CCDC141: variants seen among roughly 807,000 people sequenced by gnomAD.
CCDC141 encodes coiled-coil domain-containing protein 141.
In CCDC141, 168 loss-of-function variants were observed where a neutral mutation model predicts 181.0. The ratio of observed to expected loss-of-function variants is 0.93; its 90% CI spans 0.82 to 1.05. The LOEUF (loss-of-function observed/expected upper bound fraction) is 1.05, where lower values mean the gene tolerates loss of function less well. CCDC141 is among the 50% of genes least tolerant of loss of function. CCDC141 has a pLI of 0.00. For synonymous variants in CCDC141, 666 were observed against 642.3 expected (o/e 1.04, Z -0.56); for missense variants, 1,902 against 1,788.5 (o/e 1.06, Z -1.14).
rs545784828 is a variant in CCDC141, at chr2:178,949,379, G to A, written c.781-4728C>T. Among the ~76,000 whole-genome samples the A allele has an allele frequency of 2.0e-5, 3 of 152,198 alleles. No individual in the cohort carries two copies. The South Asian group carries it at 6.2e-4, about 32-fold the overall frequency. On this transcript the variant is annotated intron_variant, in intron 5 of 23. Transcript: ENST00000443758. ...GATATTTGCCTTTTCAACAGATGAGGTAACAGTTCAATAGACAGTTCAATA... is the reference window on the plus strand; with the variant it reads ...GATATTTGCCTTTTCAACAGATGAGATAACAGTTCAATAGACAGTTCAATA...
chr2:178,989,469 C>T (rs547822767), intron 2 of CCDC141, among the ~76,000 whole-genome samples: 2 of 151,626 alleles, frequency 1.3e-5, no homozygotes, highest in Admixed American at 6.6e-5. Flanking sequence ...TGGTGGGCAC[C>T]TGTAATCCTA....
Position 178,853,635 on chromosome 2 carries a change from A to G in CCDC141, c.3061-11T>C. ...GTACCAAAAATGACACTAAATTTAA[A>G]TGGGATAAAGCACAGATGAAAGAAA... is the stretch of plus-strand genomic sequence containing the variant. On this transcript the variant is annotated splice_polypyrimidine_tract_variant and intron_variant, in intron 19 of 23. Transcript: ENST00000443758. 3.1e-6 allele frequency: 5 copies of G among 1,609,664 alleles called. No homozygotes were observed. The highest frequency in any genetic ancestry group is 4.2e-6 in the Non-Finnish European group (5 of 1,177,070).
chr2:179,036,502 G>C (rs1208009403), intron 2 of CCDC141, among the ~76,000 whole-genome samples: 1 of 152,190 alleles, frequency 6.6e-6, no homozygotes, highest in Non-Finnish European at 1.5e-5. Flanking sequence ...TTGGACCACT[G>C]CACTGCTCCC....
rs1005503365 is a variant in CCDC141, at chr2:178,918,993, T to C, written c.898-86A>G. On this transcript the variant is annotated intron_variant, in intron 6 of 23. Transcript: ENST00000443758. Reference sequence around the variant, plus strand: ...TCCCCCCGAAATTCCTCTGCTGAAATCTAACCCCCAAGGTGATGATATTAG... The same window carrying C: ...TCCCCCCGAAATTCCTCTGCTGAAACCTAACCCCCAAGGTGATGATATTAG... 11 of 1,206,912 alleles carry C rather than the reference T, an allele frequency of 9.1e-6. No homozygotes were observed. In the African/African-American group the frequency reaches 1.2e-4, roughly 13 times the overall value. 74.8% of individuals were successfully genotyped at this position (1,206,912 alleles called of 1,614,324 possible).
rs59389117 is a variant in CCDC141, at chr2:178,832,465, C to CAAAAAAAAAAAAAAAAAA, written c.*1690_*1707dup. On this transcript the variant is annotated 3_prime_UTR_variant, in exon 24 of 24. Coordinates refer to ENST00000443758, the MANE Select transcript of CCDC141 (RefSeq NM_173648.4). ...TGGGCAAGAGAGCAAGACTCTTTCT[C>CAAAAAAAAAAAAAAAAAA]AAAAAAAAAAAAAAAAAACAAAAAA... 2 of 69,006 alleles carry CAAAAAAAAAAAAAAAAAA rather than the reference C, an allele frequency of 2.9e-5. No individual in the cohort carries two copies. Among genetic ancestry groups the CAAAAAAAAAAAAAAAAAA allele is most frequent in the African/African-American group, 9.8e-5 (2 of 20,404 alleles). 4.3% of individuals were successfully genotyped at this position (69,006 alleles called of 1,614,324 possible). A position where few individuals can be genotyped will look rare whatever the true frequency, so the allele number is the denominator to read the frequency against.
intron 22 of CCDC141, among the ~76,000 whole-genome samples, chr2:178,841,987 CA>C (rs1483546760): frequency 3.3e-5 from 5 of 152,018 alleles, no homozygotes; most frequent in African/African-American, 1.2e-4. Flanking sequence ...GTCTAGTTTT[CA>C]ACTATGAAAA....
At chr2:178,834,521 G>T in intron 23 of CCDC141, 81 bp from the exon 24 acceptor site, 1 of 1,413,478 alleles carries the variant, frequency 7.1e-7, no homozygotes, top group South Asian at 1.3e-5. Context: ...CTTGCAAATA[G>T]GCCCATTACC....
At chr2:178,966,144 C>G (rs1690620114) in intron 4 of CCDC141, among the ~76,000 whole-genome samples, 1 of 152,254 alleles carries the variant, frequency 6.6e-6, no homozygotes. Flanking sequence ...AAACTCCCAT[C>G]TCCCTGGGAT....
At position 178,834,273 on chromosome 2, in the gene CCDC141, A is replaced by C; in HGVS notation, c.4493T>G (p.Val1498Gly). 1.3e-6 allele frequency: 2 copies of C among 1,536,126 alleles called. No homozygotes were observed. Among genetic ancestry groups the C allele is most frequent in the Non-Finnish European group, 1.7e-6 (2 of 1,146,862 alleles). Residue 1498 changes from valine to glycine, a missense_variant, in exon 24 of 24, where the codon GTG becomes GGG. By Grantham distance (109) the Val-to-Gly change is moderately radical. Coordinates refer to ENST00000443758, the MANE Select transcript of CCDC141 (RefSeq NM_173648.4). Reference sequence around the variant, plus strand: ...GATTGGCAGCCTGCAGTTACCTGTCACGTGGAGGATGACATTGGAAGAGAG... The same window carrying C: ...GATTGGCAGCCTGCAGTTACCTGTCCCGTGGAGGATGACATTGGAAGAGAG... ...GALSSNVILH[V>G]TGNCRLPITR...
intron 23 of CCDC141, chr2:178,836,273 G>C (rs1407668039): frequency 6.6e-6 from 1 of 152,172 alleles, no homozygotes; most frequent in Admixed American, 6.6e-5. Flanking sequence ...TCTCCAGAGT[G>C]AAATCATATT....
chr2:179,008,554 T>A (rs1253777427), intron 2 of CCDC141, among the ~76,000 whole-genome samples: 2 of 152,036 alleles, frequency 1.3e-5, no homozygotes, highest in Non-Finnish European at 2.9e-5. Context: ...AAAATACAGA[T>A]CCCCAGGTCC....
Position 178,833,584 on chromosome 2 carries a change from T to C in CCDC141, c.*589A>G, listed in dbSNP as rs891146424. On this transcript the variant is annotated 3_prime_UTR_variant, in exon 24 of 24. Transcript: ENST00000443758. ...AGTTGATGGCACATCTATCCTCCAA[T>C]GTCAAACCCGTGAGAGCAACATGAG... 6.5e-6 allele frequency: 1 copy of C among 152,904 alleles called. No homozygotes were observed. The highest frequency in any genetic ancestry group is 1.5e-5 in the Non-Finnish European group (1 of 68,534). The allele number at this position is 152,904 out of a possible 1,614,324, so 9.5% of individuals were successfully genotyped here.
At chr2:178,858,148 T>A (rs1415373020) in intron 17 of CCDC141, among the ~76,000 whole-genome samples, 2 of 152,174 alleles carry the variant, frequency 1.3e-5, no homozygotes, top group Non-Finnish European at 1.5e-5. Flanking sequence ...CCACTTTAAC[T>A]GATAAATAAA....
intron 8 of CCDC141, among the ~76,000 whole-genome samples, chr2:178,894,495 T>A (rs149825271): frequency 0.011 from 1,729 of 151,806 alleles, 38 homozygotes; most frequent in African/African-American, 0.039. Flanking sequence ...AGTAAATGCC[T>A]GAGATCATCA....
chr2:179,023,442 T>C (rs903969355), intron 2 of CCDC141, among the ~76,000 whole-genome samples: 33 of 152,318 alleles, frequency 2.2e-4, no homozygotes, highest in African/African-American at 7.9e-4. Context: ...GTTATGAAAT[T>C]TAACTCATAT....
rs375694782 is a variant in CCDC141, at chr2:179,023,294, C to T, written c.225+23990G>A. Among the ~76,000 whole-genome samples the T allele has an allele frequency of 4.8e-4, 73 of 152,258 alleles. No individual in the cohort carries two copies. The South Asian group carries it at 9.3e-3, about 19-fold the overall frequency. On this transcript the variant is annotated intron_variant, in intron 2 of 23. Transcript: ENST00000443758. Reference sequence around the variant, plus strand: ...CCACCTTCTGAGGTAGGTATTACTACCTCCATTTCACAGATGAGGAAACTG... The same window carrying T: ...CCACCTTCTGAGGTAGGTATTACTATCTCCATTTCACAGATGAGGAAACTG...
chr2:179,048,554 GA>G (rs78878126), intron 1 of CCDC141, among the ~76,000 whole-genome samples: 5,576 of 152,246 alleles, frequency 0.037, 345 homozygotes, highest in East Asian at 0.15. Flanking sequence ...TGAGGAAATG[GA>G]AAGTTAACTT....
intron 2 of CCDC141, among the ~76,000 whole-genome samples, chr2:179,008,023 G>T (rs1473577): frequency 0.086 from 13,131 of 152,160 alleles, 762 homozygotes; most frequent in Admixed American, 0.17. Context: ...TGATGTCATC[G>T]TCTATGTTCT....
chr2:179,027,380 C>A, intron 2 of CCDC141, among the ~76,000 whole-genome samples: 1 of 152,036 alleles, frequency 6.6e-6, no homozygotes, highest in East Asian at 1.9e-4. Flanking sequence ...CATGGTGGCT[C>A]ACGCCTGTAA....
Sources: allele counts gnomAD v4.1 joint callset (sites outside exome capture counted in the v4.1 genomes callset), GRCh38; gene constraint gnomAD v4.1.1; transcripts MANE v1.5; gene names NCBI Gene and HGNC (gene_info 2026-07-23, HGNC 2026-07-21).